The following STX12 variants were observed in gnomAD, a reference collection of about 807,000 sequenced individuals.
The protein encoded by STX12 is syntaxin 12, also known as syntaxin-12.
In STX12, 17 loss-of-function variants were observed where a neutral mutation model predicts 42.2. The observed-to-expected ratio is 0.40, with a 90% confidence interval of 0.28 to 0.60. STX12 has a LOEUF of 0.60. STX12 is among the 20% of genes least tolerant of loss of function. The probability of loss-of-function intolerance (pLI) is 0.39; values close to 1 mark genes in which losing one functional copy is unlikely to be tolerated. For missense variants in STX12, 297 were observed against 330.9 expected, an observed-to-expected ratio of 0.90 and a Z score of 0.79; for synonymous variants, 108 against 116.7, an observed-to-expected ratio of 0.93 and a Z score of 0.48.
rs748201099 is a variant in STX12 at position 27,773,366 on chromosome 1, G to A, written c.59G>A (p.Arg20Gln). The A allele has an allele frequency of 6.2e-7, 1 of 1,613,662 alleles. No individual in the cohort carries two copies. The highest frequency in any genetic ancestry group is 8.5e-7 in the Non-Finnish European group (1 of 1,179,726). ...CCGGGGCCCTCGGGGCCCCAGCTCC[G>A]GGACTTCAGCAGCATCATCCAGACG... ...RNPGPSGPQL[R>Q]DFSSIIQTCS... The change falls in exon 1 of 9, where the codon CGG becomes CAG. Residue 20 changes from arginine to glutamine, a missense_variant. By Grantham distance (43) the Arg-to-Gln change is conservative. Transcript: ENST00000373943.
intron 3 of STX12, among the ~76,000 whole-genome samples, chr1:27,796,349 T>A (rs1361012741): frequency 6.6e-6 from 1 of 152,182 alleles, no homozygotes; most frequent in Non-Finnish European, 1.5e-5. Flanking sequence ...TCATCAATGA[T>A]CTAGTTACCC....
intron 2 of STX12, among the ~76,000 whole-genome samples, chr1:27,790,948 AT>A (rs1241980050): frequency 1.3e-5 from 2 of 151,008 alleles, no homozygotes; most frequent in Non-Finnish European, 3.0e-5. Context: ...TCTCAAAAAA[AT>A]AAAAATAAAA....
At chr1:27,812,312 A>G in intron 6 of STX12, 44 bp downstream of exon 6, 1 of 1,421,684 alleles carries the variant, frequency 7.0e-7, no homozygotes, top group South Asian at 1.2e-5. Context: ...GTGTGTCTGC[A>G]GGTATCTGAA....
At chr1:27,791,615 A>G (rs2088741802) in intron 2 of STX12, among the ~76,000 whole-genome samples, 1 of 152,178 alleles carries the variant, frequency 6.6e-6, no homozygotes, top group South Asian at 2.1e-4. Context: ...GGAGATCGAG[A>G]CCATCCTGGC....
chr1:27,786,779 C>T (rs1310124734), intron 1 of STX12, among the ~76,000 whole-genome samples: 5 of 152,208 alleles, frequency 3.3e-5, no homozygotes, highest in Non-Finnish European at 7.3e-5. Flanking sequence ...TTGTCAAGCC[C>T]AGTGTCTAGT....
intron 8 of STX12, among the ~76,000 whole-genome samples, chr1:27,821,186 GA>G (rs751160049): frequency 8.8e-4 from 132 of 150,806 alleles, no homozygotes; most frequent in Non-Finnish European, 1.3e-3. Context: ...AAAAAAAGAA[GA>G]AATAGCATTT....
At chr1:27,790,511 G>A (rs759366296) in intron 2 of STX12, among the ~76,000 whole-genome samples, 1 of 152,156 alleles carries the variant, frequency 6.6e-6, no homozygotes, top group Non-Finnish European at 1.5e-5. Context: ...TACAATCCTA[G>A]CTACAGAGTG....
At chr1:27,792,201 CAT>C (rs1306276467) in intron 2 of STX12, among the ~76,000 whole-genome samples, 4 of 118,000 alleles carry the variant, frequency 3.4e-5, no homozygotes, top group South Asian at 2.6e-4. Flanking sequence ...TATGTATATA[CAT>C]ATATATGTAT....
At chr1:27,817,953 G>A in intron 7 of STX12, 30 bp downstream of exon 7, 1 of 1,589,496 alleles carries the variant, frequency 6.3e-7, no homozygotes, top group Non-Finnish European at 8.6e-7. Context: ...TTAACCTCAA[G>A]GTGAGTTGAT....
At chr1:27,799,856 A>G (rs142884925) in intron 3 of STX12, among the ~76,000 whole-genome samples, 1,691 of 151,722 alleles carry the variant, frequency 0.011, 14 homozygotes, top group Middle Eastern at 0.021. Context: ...GGTTCAAGCA[A>G]TTCTCCTGCC....
At chr1:27,809,878 C>T (rs1288717090) in intron 4 of STX12, 1 of 182,664 alleles carries the variant, frequency 5.5e-6, no homozygotes, top group African/African-American at 2.4e-5. Flanking sequence ...GCCTACTGTG[C>T]TATGTCCATT....
At chr1:27,810,347 T>C in intron 5 of STX12, 58 bp downstream of exon 5, 3 of 1,476,608 alleles carry the variant, frequency 2.0e-6, no homozygotes, top group Non-Finnish European at 2.8e-6. Context: ...TATCTCGTTA[T>C]ATTTTAATTT....
chr1:27,793,667 G>A (rs776118102), intron 3 of STX12, 35 bp downstream of exon 3: 58 of 1,574,764 alleles, frequency 3.7e-5, no homozygotes, highest in Non-Finnish European at 4.7e-5. Flanking sequence ...TAATAGGAAA[G>A]GACTTTGTGT....
Position 27,773,353 on chromosome 1 carries a change from G to A in STX12, c.46G>A (p.Gly16Arg), listed in dbSNP as rs1351113897. 2 of 1,613,030 alleles carry A rather than the reference G, an allele frequency of 1.2e-6. No homozygotes were observed. The change falls in exon 1 of 9, where the codon GGG (glycine) becomes AGG (arginine). Residue 16 changes from glycine to arginine, a missense_variant. Coordinates refer to ENST00000373943, the MANE Select transcript of STX12 (RefSeq NM_177424.3). ...CATGTACCGGAACCCGGGGCCCTCG[G>A]GGCCCCAGCTCCGGGACTTCAGCAG... ...LDMYRNPGPSGPQLRDFSSII... is the reference protein window; with the variant it reads ...LDMYRNPGPSRPQLRDFSSII...
intron 6 of STX12, among the ~76,000 whole-genome samples, chr1:27,816,393 A>C (rs2088941633): frequency 6.6e-6 from 1 of 151,908 alleles, no homozygotes; most frequent in Non-Finnish European, 1.5e-5. Context: ...AGAATCACTC[A>C]AACCCAGGGG....
At chr1:27,788,278 T>G (rs1426177885) in intron 1 of STX12, among the ~76,000 whole-genome samples, 1 of 151,890 alleles carries the variant, frequency 6.6e-6, no homozygotes, top group Non-Finnish European at 1.5e-5. Context: ...TGAATAAATC[T>G]CCCCCACCCT....
chr1:27,796,891 G>A (rs1214549284), intron 3 of STX12, among the ~76,000 whole-genome samples: 2 of 151,924 alleles, frequency 1.3e-5, no homozygotes, highest in African/African-American at 2.4e-5. Context: ...TTTTAGTAGA[G>A]ATGGGGTTTC....
chr1:27,775,202 G>A (rs887221841), intron 1 of STX12, among the ~76,000 whole-genome samples: 25 of 152,114 alleles, frequency 1.6e-4, no homozygotes, highest in Middle Eastern at 6.8e-3. Flanking sequence ...ATCCATCTTC[G>A]TGTGTATTTT....
intron 6 of STX12, among the ~76,000 whole-genome samples, chr1:27,814,591 G>A (rs1292000302): frequency 1.3e-5 from 2 of 152,088 alleles, no homozygotes; most frequent in African/African-American, 2.4e-5. Context: ...GCTCATGCCT[G>A]TAATCCCAGC....
Sources: allele counts gnomAD v4.1 joint callset (sites outside exome capture counted in the v4.1 genomes callset), GRCh38; gene constraint gnomAD v4.1.1; transcripts MANE v1.5; gene names NCBI Gene and HGNC (gene_info 2026-07-23, HGNC 2026-07-21).